The following ZNF385D variants were observed in gnomAD, a reference collection of about 807,000 sequenced individuals.
ZNF385D encodes the protein zinc finger protein 385D, also known as zinc finger protein 659.
Under a neutral mutation model 35.8 loss-of-function variants are expected in ZNF385D, and 15 were observed. The ratio of observed to expected loss-of-function variants is 0.42; its 90% confidence interval spans 0.28 to 0.64. The LOEUF (loss-of-function observed/expected upper bound fraction) is 0.64. Among genes scored for constraint, ZNF385D ranks in the 30% least tolerant of loss-of-function variants. The probability of loss-of-function intolerance (pLI) is 0.23; values close to 1 mark genes in which losing one functional copy is unlikely to be tolerated. For missense variants in ZNF385D, 474 were observed against 494.6 expected (o/e 0.96, Z 0.39); for synonymous variants, 212 against 186.8 (o/e 1.13, Z -1.10).
intron 2 of ZNF385D, among the ~76,000 whole-genome samples, chr3:21,636,392 A>ATGATTATATATATATATATATGAT (rs1171265974): frequency 2.5e-5 from 1 of 39,346 alleles, no homozygotes; most frequent in Admixed American, 3.2e-4. Context: ...ATATATATAT[A>ATGATTATATATATATATATATGAT]TATATATATA....
intron 3 of ZNF385D, among the ~76,000 whole-genome samples, chr3:21,976,356 G>T (rs1240996574): frequency 6.6e-6 from 1 of 152,120 alleles, no homozygotes; most frequent in Non-Finnish European, 1.5e-5. Flanking sequence ...AAATAGTTTT[G>T]ATTAGTATCT....
intron 1 of ZNF385D, among the ~76,000 whole-genome samples, chr3:21,734,302 T>C (rs2069145840): frequency 6.6e-6 from 1 of 151,594 alleles, no homozygotes; most frequent in Admixed American, 6.6e-5. Context: ...TTTTCAGATA[T>C]GTTGGAGAAA....
chr3:21,560,185 C>G (rs530974812), intron 3 of ZNF385D, among the ~76,000 whole-genome samples: 1 of 152,284 alleles, frequency 6.6e-6, no homozygotes, highest in Non-Finnish European at 1.5e-5. Flanking sequence ...ATTCTGCATC[C>G]TGTTTTGTTC....
chr3:21,749,935 G>A lies in ZNF385D; in HGVS notation c.22+960C>T, dbSNP rs2069976940. Reference sequence around the variant, plus strand: ...AGATTTAATATTTAAAGCAAACCAAGAAATCAGAGCATTTGCATCTTGGAT... The same window carrying A: ...AGATTTAATATTTAAAGCAAACCAAAAAATCAGAGCATTTGCATCTTGGAT... On this transcript the variant is annotated intron_variant, in intron 1 of 7. Coordinates refer to ENST00000281523, the MANE Select transcript of ZNF385D (RefSeq NM_024697.3). Among the ~76,000 whole-genome samples the A allele has an allele frequency of 2.1e-5, 3 of 144,134 alleles. No homozygotes were observed. The South Asian group carries it at 7.2e-4, about 34-fold the overall frequency. The allele number at this position is 144,134 out of a possible 152,430, so 94.6% of individuals were successfully genotyped here. A position where few individuals can be genotyped will look rare whatever the true frequency, so the allele number is the denominator to read the frequency against.
At chr3:22,002,960 C>A (rs932507277) in intron 3 of ZNF385D, among the ~76,000 whole-genome samples, 17 of 152,208 alleles carry the variant, frequency 1.1e-4, no homozygotes, top group African/African-American at 4.1e-4. Context: ...TAACTAACAG[C>A]TAATATCATG....
chr3:22,168,352 CAA>C (rs1308424629), intron 3 of ZNF385D: 9 of 152,100 alleles, frequency 5.9e-5, no homozygotes, highest in African/African-American at 2.2e-4. Flanking sequence ...CTAGGAAACT[CAA>C]AAGTCTGTAC....
chr3:21,582,658 T>C (rs765314597), intron 2 of ZNF385D, among the ~76,000 whole-genome samples: 2 of 152,196 alleles, frequency 1.3e-5, no homozygotes, highest in African/African-American at 4.8e-5. Context: ...CCTTAAAGAT[T>C]AAGTCCACCT....
At chr3:21,938,066 G>A (rs1303159731) in intron 3 of ZNF385D, among the ~76,000 whole-genome samples, 1 of 152,170 alleles carries the variant, frequency 6.6e-6, no homozygotes, top group African/African-American at 2.4e-5. Flanking sequence ...TGCCTCAAAT[G>A]ATATTCAACC....
chr3:21,925,417 C>A (rs1019222318), intron 3 of ZNF385D, among the ~76,000 whole-genome samples: 1 of 152,094 alleles, frequency 6.6e-6, no homozygotes, highest in East Asian at 1.9e-4. Flanking sequence ...CAGGTATACA[C>A]AAAAACATGT....
intron 3 of ZNF385D, among the ~76,000 whole-genome samples, chr3:21,977,180 T>A (rs928815522): frequency 5.3e-5 from 8 of 152,210 alleles, no homozygotes; most frequent in Non-Finnish European, 2.9e-5. Flanking sequence ...GGGACAGCAC[T>A]GTGGGGCTGC....
chr3:22,178,529 G>C (rs1694992051), intron 2 of ZNF385D, among the ~76,000 whole-genome samples: 1 of 152,260 alleles, frequency 6.6e-6, no homozygotes, highest in South Asian at 2.1e-4. Context: ...CCATTCTGTA[G>C]GTTGCCTGTT....
intron 4 of ZNF385D, among the ~76,000 whole-genome samples, chr3:21,507,293 T>C (rs1035678515): frequency 2.6e-5 from 4 of 152,174 alleles, no homozygotes; most frequent in Non-Finnish European, 4.4e-5. Context: ...CCAGGGGTTC[T>C]CATTTACCAA....
intron 1 of ZNF385D, among the ~76,000 whole-genome samples, chr3:21,692,670 A>G (rs1018437146): frequency 1.3e-5 from 2 of 152,158 alleles, no homozygotes; most frequent in African/African-American, 2.4e-5. Context: ...CACGCAGAAC[A>G]CCTATCCCTC....
At chr3:22,029,999 C>A (rs535905851) in intron 3 of ZNF385D, among the ~76,000 whole-genome samples, 40 of 151,634 alleles carry the variant, frequency 2.6e-4, no homozygotes, top group Non-Finnish European at 4.9e-4. Flanking sequence ...GGAAGGCAGA[C>A]CCACCCTTAA....
intron 3 of ZNF385D, among the ~76,000 whole-genome samples, chr3:21,559,358 G>A (rs1332798982): frequency 6.6e-6 from 1 of 152,036 alleles, no homozygotes; most frequent in Non-Finnish European, 1.5e-5. Flanking sequence ...AAGGCAGGCC[G>A]GGTGGTGACA....
chr3:21,853,751 G>A (rs934779866), intron 3 of ZNF385D, among the ~76,000 whole-genome samples: 2 of 151,628 alleles, frequency 1.3e-5, no homozygotes, highest in African/African-American at 4.8e-5. Context: ...AAAAAAGAGG[G>A]CCAAGAATAA....
intron 3 of ZNF385D, among the ~76,000 whole-genome samples, chr3:22,108,649 T>C (rs1644930513): frequency 6.6e-6 from 1 of 152,160 alleles, no homozygotes; most frequent in African/African-American, 2.4e-5. Flanking sequence ...GCCAATTCTC[T>C]CATCTGTGAA....
chr3:21,796,215 TA>T (rs781555029), intron 3 of ZNF385D, among the ~76,000 whole-genome samples: 4 of 152,212 alleles, frequency 2.6e-5, no homozygotes, highest in Non-Finnish European at 2.9e-5. Context: ...TTATCAGTCT[TA>T]ACTTTGCACT....
At chr3:22,032,755 G>A (rs766265800) in intron 3 of ZNF385D, among the ~76,000 whole-genome samples, 5 of 152,080 alleles carry the variant, frequency 3.3e-5, no homozygotes, top group South Asian at 2.1e-4. Flanking sequence ...AAACAATCAC[G>A]ATTAATAATA....
Sources: gnomAD v4.1 joint callset for allele counts (sites outside exome capture counted in the v4.1 genomes callset) on GRCh38, gnomAD v4.1.1 for gene constraint, MANE v1.5 for transcripts, NCBI Gene and HGNC (gene_info 2026-07-23, HGNC 2026-07-21) for gene names.